The following PTTG1IP variants were observed in gnomAD, a reference collection of about 807,000 sequenced individuals.
PTTG1IP encodes the protein pituitary tumor-transforming gene 1 protein-interacting protein.
In PTTG1IP, 16 loss-of-function variants were observed where a neutral mutation model predicts 24.4. That is an observed-to-expected ratio of 0.66 (90% CI 0.44 to 1.00). The LOEUF (loss-of-function observed/expected upper bound fraction) is 1.00, where lower values mean the gene tolerates loss of function less well. PTTG1IP is among the 50% of genes least tolerant of loss of function. The probability of loss-of-function intolerance (pLI) is 0.00; values close to 1 mark genes in which losing one functional copy is unlikely to be tolerated. For missense variants in PTTG1IP, 241 were observed against 245.8 expected (o/e 0.98, Z 0.13); for synonymous variants, 89 against 96.8 (o/e 0.92, Z 0.47).
chr21:44,858,755 C>A (rs1174389890), intron 3 of PTTG1IP, among the ~76,000 whole-genome samples: 1 of 152,200 alleles, frequency 6.6e-6, no homozygotes, highest in East Asian at 1.9e-4. Context: ...CAAAAACACC[C>A]ACCACTTGTA....
intron 4 of PTTG1IP, 66 bp downstream of exon 4, chr21:44,856,127 T>C: frequency 6.2e-7 from 1 of 1,612,992 alleles, no homozygotes; most frequent in Non-Finnish European, 8.5e-7. Flanking sequence ...CCATGTGATT[T>C]CCATGGCCTT....
chr21:44,863,309 T>TC (rs2083509278), intron 2 of PTTG1IP, among the ~76,000 whole-genome samples: 1 of 90,760 alleles, frequency 1.1e-5, no homozygotes, highest in African/African-American at 6.2e-5. Context: ...CTCAGGAGCG[T>TC]GGACACAGCC....
intron 2 of PTTG1IP, among the ~76,000 whole-genome samples, chr21:44,862,481 T>C (rs1207203480): frequency 6.6e-6 from 1 of 152,000 alleles, no homozygotes; most frequent in East Asian, 1.9e-4. Flanking sequence ...ATCGCACCAT[T>C]GCACTCCAGC....
chr21:44,861,210 G>T lies in PTTG1IP; in HGVS notation c.230C>A (p.Pro77Gln), dbSNP rs188877011. 5.0e-6 allele frequency: 8 copies of T among 1,614,096 alleles called. No individual in the cohort carries two copies. In the Admixed American group the frequency reaches 6.7e-5, roughly 13 times the overall value. ...LDYPVTSVLPPASLCKLSSAR... is the reference protein window; with the variant it reads ...LDYPVTSVLPQASLCKLSSAR... ...AGAGCTCAATTTACAAAGGGAAGCC[G>T]GTGGCAAGACGCTTGTAACTGGGTA... Residue 77 changes from proline (P) to glutamine (Q), a missense_variant, in exon 3 of 6, where the codon CCG becomes CAG. By Grantham distance (76) the Pro-to-Gln change is moderately conservative (BLOSUM62 -1). Transcript: ENST00000330938.
intron 3 of PTTG1IP, among the ~76,000 whole-genome samples, chr21:44,858,840 A>G (rs2083468646): frequency 6.6e-6 from 1 of 152,252 alleles, no homozygotes; most frequent in African/African-American, 2.4e-5. Flanking sequence ...CACACCCACT[A>G]GATGGACTGA....
chr21:44,865,494 G>C, intron 1 of PTTG1IP, 47 bp from the exon 2 acceptor site: 1 of 1,598,234 alleles, frequency 6.3e-7, no homozygotes. Flanking sequence ...GAATCAGGCA[G>C]TGTAAATATT....
intron 3 of PTTG1IP, among the ~76,000 whole-genome samples, chr21:44,859,765 C>T (rs973184363): frequency 1.3e-5 from 2 of 152,154 alleles, no homozygotes; most frequent in African/African-American, 4.8e-5. Flanking sequence ...CACACTACAA[C>T]CACCACCACC....
chr21:44,872,137 C>T (rs2083591830), intron 1 of PTTG1IP, among the ~76,000 whole-genome samples: 1 of 152,192 alleles, frequency 6.6e-6, no homozygotes, highest in African/African-American at 2.4e-5. Flanking sequence ...ATCACACACT[C>T]TGCCTGCAGA....
At position 44,849,873 on chromosome 21, in the gene PTTG1IP, C is replaced by CT. The variant is rs1159809164; in HGVS notation, c.*1707dup. 2 of 152,210 alleles carry CT rather than the reference C, an allele frequency of 1.3e-5. No homozygotes were observed. Among genetic ancestry groups the CT allele is most frequent in the East Asian group, 3.8e-4 (2 of 5,202 alleles). The allele number at this position is 152,210 out of a possible 1,614,324, so 9.4% of individuals were successfully genotyped here. ...GCATTCATACAGAGTTCACTGAAGT[C>CT]TATTACCAAGTGTCTTTTATGAATA... On this transcript the variant is annotated 3_prime_UTR_variant, in exon 6 of 6. Coordinates refer to ENST00000330938, the MANE Select transcript of PTTG1IP (RefSeq NM_004339.4).
At chr21:44,868,549 C>T (rs185585168) in intron 1 of PTTG1IP, among the ~76,000 whole-genome samples, 185 of 152,234 alleles carry the variant, frequency 1.2e-3, no homozygotes, top group Non-Finnish European at 1.8e-3. Context: ...CAGACATGAA[C>T]GAATGGCAAG....
intron 3 of PTTG1IP, among the ~76,000 whole-genome samples, chr21:44,859,042 G>A (rs573486779): frequency 6.6e-6 from 1 of 152,222 alleles, no homozygotes; most frequent in Non-Finnish European, 1.5e-5. Flanking sequence ...GCCTGTGCCG[G>A]CACCAACACA....
At chr21:44,868,267 T>C (rs761041603) in intron 1 of PTTG1IP, among the ~76,000 whole-genome samples, 2 of 152,216 alleles carry the variant, frequency 1.3e-5, no homozygotes, top group Non-Finnish European at 2.9e-5. Context: ...TGTGGGCTGA[T>C]GGTGGGCAAA....
chr21:44,861,317 C>A (rs956328809), intron 2 of PTTG1IP, 46 bp from the exon 3 acceptor site: 27 of 1,526,252 alleles, frequency 1.8e-5, no homozygotes, highest in Middle Eastern at 1.7e-4. Context: ...AACAGAAAAA[C>A]CAAAGAACTG....
chr21:44,867,671 C>T (rs959002151), intron 1 of PTTG1IP, among the ~76,000 whole-genome samples: 1 of 152,196 alleles, frequency 6.6e-6, no homozygotes, highest in African/African-American at 2.4e-5. Context: ...TTCACGCAGG[C>T]GTGGAAGGCT....
chr21:44,861,866 T>C, intron 2 of PTTG1IP: 2 of 717,330 alleles, frequency 2.8e-6, no homozygotes, highest in Non-Finnish European at 5.2e-6. Flanking sequence ...TTGAATGGAC[T>C]TGGGTGAGCA....
At chr21:44,858,715 C>T (rs571087420) in intron 3 of PTTG1IP, among the ~76,000 whole-genome samples, 8 of 152,186 alleles carry the variant, frequency 5.3e-5, no homozygotes, top group Admixed American at 2.0e-4. Flanking sequence ...TGCAGCCTAG[C>T]GTGGGGATGT....
At chr21:44,864,068 T>C (rs1337654053) in intron 2 of PTTG1IP, among the ~76,000 whole-genome samples, 2 of 152,254 alleles carry the variant, frequency 1.3e-5, no homozygotes, top group Non-Finnish European at 2.9e-5. Flanking sequence ...CCTCATATCA[T>C]GAAACCTCAT....
intron 1 of PTTG1IP, 81 bp from the exon 2 acceptor site, chr21:44,865,528 C>A: frequency 7.0e-7 from 1 of 1,420,860 alleles, no homozygotes; most frequent in Non-Finnish European, 9.9e-7. Context: ...AGGGTGGGCA[C>A]CAGTGAGGGG....
intron 3 of PTTG1IP, among the ~76,000 whole-genome samples, chr21:44,858,925 CA>C (rs1445485973): frequency 6.6e-6 from 1 of 152,128 alleles, no homozygotes; most frequent in Non-Finnish European, 1.5e-5. Context: ...TGAGGGAGGC[CA>C]AACTGGTACA....
Sources: allele counts gnomAD v4.1 joint callset (sites outside exome capture counted in the v4.1 genomes callset), GRCh38; gene constraint gnomAD v4.1.1; transcripts MANE v1.5; gene names NCBI Gene and HGNC (gene_info 2026-07-23, HGNC 2026-07-21).